TULP3: variants seen among roughly 807,000 people sequenced by gnomAD.
TULP3 encodes TUB like protein 3.
Under a neutral mutation model 50.7 loss-of-function variants are expected in TULP3, and 38 were observed. The ratio of observed to expected loss-of-function variants is 0.75; its 90% CI spans 0.58 to 0.98. The LOEUF (loss-of-function observed/expected upper bound fraction) is 0.98. Ranked by LOEUF, TULP3 falls within the 50% of genes least tolerant of loss-of-function variation. TULP3 has a pLI of 0.00. For synonymous variants in TULP3, 183 were observed against 196.6 expected (o/e 0.93, Z 0.58); for missense variants, 550 against 568.0 (o/e 0.97, Z 0.32).
At chr12:2,907,539 T>C (rs1220262158) in intron 1 of TULP3, among the ~76,000 whole-genome samples, 3 of 151,364 alleles carry the variant, frequency 2.0e-5, no homozygotes, top group Non-Finnish European at 2.9e-5. Flanking sequence ...TTCTAGCTAC[T>C]CAGGAGGCTG....
intron 1 of TULP3, among the ~76,000 whole-genome samples, chr12:2,900,172 G>A (rs1452351398): frequency 6.6e-6 from 1 of 152,112 alleles, no homozygotes; most frequent in Non-Finnish European, 1.5e-5. Flanking sequence ...GTAGTGAGCC[G>A]AGATCGCGCC....
chr12:2,900,200 C>T (rs1316538200), intron 1 of TULP3, among the ~76,000 whole-genome samples: 1 of 152,060 alleles, frequency 6.6e-6, no homozygotes, highest in African/African-American at 2.4e-5. Flanking sequence ...TCCAGCCTAG[C>T]GACAGAGCAA....
At chr12:2,899,765 T>C (rs767564993) in intron 1 of TULP3, among the ~76,000 whole-genome samples, 1 of 151,870 alleles carries the variant, frequency 6.6e-6, no homozygotes, top group Non-Finnish European at 1.5e-5. Context: ...TGGTGGCAGG[T>C]GCCTGTAGTC....
intron 2 of TULP3, among the ~76,000 whole-genome samples, chr12:2,918,691 C>T (rs574133528): frequency 1.1e-4 from 17 of 151,864 alleles, no homozygotes; most frequent in African/African-American, 3.6e-4. Context: ...AGGCATGCGC[C>T]GCCACATCCG....
intron 2 of TULP3, among the ~76,000 whole-genome samples, chr12:2,912,545 T>C (rs1161417196): frequency 1.3e-5 from 2 of 152,200 alleles, no homozygotes; most frequent in Non-Finnish European, 2.9e-5. Context: ...GCTATGGCAG[T>C]GTCCCTTTGG....
chr12:2,898,476 T>C (rs1283337439), intron 1 of TULP3, among the ~76,000 whole-genome samples: 2 of 152,162 alleles, frequency 1.3e-5, no homozygotes. Context: ...GTAGTCCTTT[T>C]CTGCGAAGGT....
In TULP3 at chr12:2,890,906, G is replaced by T; in HGVS notation, c.-42G>T. On this transcript the variant is annotated 5_prime_UTR_variant, in exon 1 of 11. Coordinates refer to ENST00000448120, the MANE Select transcript of TULP3 (RefSeq NM_003324.5). Reference sequence around the variant, plus strand: ...CAGCCTAGCCACTCTAGCGACGGCGGGGAAGAGTGTGTACGTGGTGGGGGC... The same window carrying T: ...CAGCCTAGCCACTCTAGCGACGGCGTGGAAGAGTGTGTACGTGGTGGGGGC... The T allele has an allele frequency of 6.4e-7, 1 of 1,558,874 alleles. No individual in the cohort carries two copies. Among genetic ancestry groups the T allele is most frequent in the Non-Finnish European group, 8.7e-7 (1 of 1,152,192 alleles).
chr12:2,896,826 A>C (rs2098175811), intron 1 of TULP3, among the ~76,000 whole-genome samples: 1 of 152,132 alleles, frequency 6.6e-6, no homozygotes, highest in Non-Finnish European at 1.5e-5. Flanking sequence ...CTGTAAAATG[A>C]GATTATAGTG....
At chr12:2,928,021 G>C (rs1307293996) in intron 4 of TULP3, among the ~76,000 whole-genome samples, 1 of 152,100 alleles carries the variant, frequency 6.6e-6, no homozygotes, top group Admixed American at 6.6e-5. Context: ...TTTTACATCT[G>C]CATTCCTCTC....
chr12:2,937,222 T>G (rs2098201813), intron 8 of TULP3, among the ~76,000 whole-genome samples: 1 of 113,390 alleles, frequency 8.8e-6, no homozygotes, highest in Non-Finnish European at 1.8e-5. Context: ...TTTTTTTTTT[T>G]TTTTTTTTTC....
chr12:2,940,101 G>C lies in TULP3; in HGVS notation c.*657G>C, dbSNP rs527864420. On this transcript the variant is annotated 3_prime_UTR_variant, in exon 11 of 11. Transcript: ENST00000448120. ...AATTATGTGAGAATTTTATATAATT[G>C]TCTTCATTTCAATTAAGGCTGAAAG... 1.7e-5 allele frequency: 22 copies of C among 1,290,130 alleles called. No individual in the cohort carries two copies. Among genetic ancestry groups the C allele is most frequent in the Non-Finnish European group, 2.2e-5 (22 of 989,552 alleles). 79.9% of individuals were successfully genotyped at this position (1,290,130 alleles called of 1,614,324 possible). A position where few individuals can be genotyped will look rare whatever the true frequency, so the allele number is the denominator to read the frequency against.
At chr12:2,920,430 G>A (rs1027993163) in intron 2 of TULP3, among the ~76,000 whole-genome samples, 13 of 151,938 alleles carry the variant, frequency 8.6e-5, no homozygotes, top group Admixed American at 1.3e-4. Context: ...GATTGGGCGT[G>A]CCTTGGAGGT....
chr12:2,930,723 C>T (rs2098197499), intron 5 of TULP3, among the ~76,000 whole-genome samples: 1 of 152,104 alleles, frequency 6.6e-6, no homozygotes, highest in Non-Finnish European at 1.5e-5. Flanking sequence ...GTGCCCAGCC[C>T]TCAAACATAT....
At chr12:2,921,025 C>T (rs2098191376) in intron 3 of TULP3, 103 bp downstream of exon 3, 1 of 1,318,588 alleles carries the variant, frequency 7.6e-7, no homozygotes, top group South Asian at 1.3e-5. Flanking sequence ...TTATTAGCAC[C>T]ATTACTAGGT....
chr12:2,908,698 G>A (rs2098183805), intron 1 of TULP3, among the ~76,000 whole-genome samples: 1 of 152,186 alleles, frequency 6.6e-6, no homozygotes, highest in African/African-American at 2.4e-5. Flanking sequence ...GGGATTACAG[G>A]TGTGAGCCAC....
At chr12:2,938,071 G>T (rs1228078311) in intron 9 of TULP3, 43 bp from the exon 10 acceptor site, 1 of 1,608,580 alleles carries the variant, frequency 6.2e-7, no homozygotes, top group Non-Finnish European at 8.5e-7. Context: ...ACCTCGTAGA[G>T]TTGGAGTTCT....
intron 8 of TULP3, among the ~76,000 whole-genome samples, chr12:2,935,116 A>G (rs1003596564): frequency 6.6e-6 from 1 of 152,090 alleles, no homozygotes; most frequent in Non-Finnish European, 1.5e-5. Flanking sequence ...TTCTGCTTCA[A>G]ATCTTTTAGT....
chr12:2,894,790 G>A (rs10774072), intron 1 of TULP3, among the ~76,000 whole-genome samples: 72,414 of 151,512 alleles, frequency 0.48, 17,732 homozygotes, highest in African/African-American at 0.59. Context: ...GCTACTCCGG[G>A]AACTGAGGCA....
rs778967256 is a variant in TULP3 at position 2,940,466 on chromosome 12, G to A, written c.*1022G>A. ...TCAGGCACAGAAGGTGTTTTGCTAC[G>A]TTTTTTTGATTATTACACCCCTCCA... is the stretch of plus-strand genomic sequence containing the variant. On this transcript the variant is annotated 3_prime_UTR_variant, in exon 11 of 11. Transcript: ENST00000448120. 7.2e-4 allele frequency: 1,076 copies of A among 1,485,530 alleles called. 1 individual carries two copies. Among genetic ancestry groups the A allele is most frequent in the Non-Finnish European group, 9.1e-4 (1,011 of 1,115,810 alleles). The allele number at this position is 1,485,530 out of a possible 1,614,324, so 92.0% of individuals were successfully genotyped here.
Sources: allele counts gnomAD v4.1 joint callset (sites outside exome capture counted in the v4.1 genomes callset), GRCh38; gene constraint gnomAD v4.1.1; transcripts MANE v1.5; gene names NCBI Gene and HGNC (gene_info 2026-07-23, HGNC 2026-07-21).